The following CACNB4 variants were observed in gnomAD, a reference collection of about 807,000 sequenced individuals.
CACNB4 encodes the protein calcium voltage-gated channel auxiliary subunit beta 4.
Under a neutral mutation model 71.2 loss-of-function variants are expected in CACNB4, and 32 were observed. That is an observed-to-expected ratio of 0.45 (90% confidence interval 0.34 to 0.60). The LOEUF (loss-of-function observed/expected upper bound fraction) is 0.60. Among genes scored for constraint, CACNB4 ranks in the 20% least tolerant of loss-of-function variants. CACNB4 has a pLI of 0.01. For synonymous variants in CACNB4, 231 were observed against 236.9 expected (o/e 0.97, Z 0.23); for missense variants, 464 against 647.9 (o/e 0.72, Z 3.08).
intron 2 of CACNB4, among the ~76,000 whole-genome samples, chr2:152,069,837 CTTTT>C (rs70974819): frequency 6.1e-5 from 6 of 98,720 alleles, no homozygotes; most frequent in East Asian, 3.8e-4. Flanking sequence ...CTTCATCAAT[CTTTT>C]TTTTTTTTTT....
intron 2 of CACNB4, among the ~76,000 whole-genome samples, chr2:151,912,588 T>C (rs571842731): frequency 6.6e-6 from 1 of 152,248 alleles, no homozygotes; most frequent in East Asian, 1.9e-4. Flanking sequence ...CTTCCAATTA[T>C]GTGGTCAATT....
intron 2 of CACNB4, among the ~76,000 whole-genome samples, chr2:152,052,388 C>T (rs1187622542): frequency 6.6e-6 from 1 of 152,076 alleles, no homozygotes; most frequent in Non-Finnish European, 1.5e-5. Flanking sequence ...GTAACCTCCA[C>T]CTCCCGGGTT....
At chr2:151,944,186 AC>A (rs1236938133) in intron 2 of CACNB4, among the ~76,000 whole-genome samples, 1 of 151,844 alleles carries the variant, frequency 6.6e-6, no homozygotes, top group Non-Finnish European at 1.5e-5. Flanking sequence ...AGCACACGCC[AC>A]CACACCTGGC....
chr2:151,919,097 G>C (rs2099858271), intron 2 of CACNB4, among the ~76,000 whole-genome samples: 1 of 152,172 alleles, frequency 6.6e-6, no homozygotes, highest in Admixed American at 6.5e-5. Flanking sequence ...GCCTCAGGAG[G>C]GGTGTTTCAA....
rs187903559 is a variant in CACNB4 at position 152,087,621 on chromosome 2, C to G, written c.147+10709G>C. Among the ~76,000 whole-genome samples the G allele has an allele frequency of 1.4e-3, 216 of 152,132 alleles. 1 individual carries two copies. The highest frequency in any genetic ancestry group is 5.1e-3 in the African/African-American group (212 of 41,490). ...TCACGCCAGCATCTACACATTTAGACCAGGGGCTATAACTGAAACTTCTCG... is the reference window on the plus strand; with the variant it reads ...TCACGCCAGCATCTACACATTTAGAGCAGGGGCTATAACTGAAACTTCTCG... On this transcript the variant is annotated intron_variant, in intron 2 of 13. Transcript: ENST00000539935.
chr2:152,010,571 T>C (rs1331659753), intron 2 of CACNB4, among the ~76,000 whole-genome samples: 2 of 152,238 alleles, frequency 1.3e-5, no homozygotes, highest in Non-Finnish European at 2.9e-5. Flanking sequence ...CATTGCCTTA[T>C]TGTGTATAGC....
chr2:151,965,387 T>C (rs2151709682), intron 2 of CACNB4, among the ~76,000 whole-genome samples: 1 of 152,344 alleles, frequency 6.6e-6, no homozygotes, highest in Non-Finnish European at 1.5e-5. Flanking sequence ...CAATTATTCC[T>C]TTTAAAAGTA....
intron 2 of CACNB4, among the ~76,000 whole-genome samples, chr2:152,028,312 A>G (rs1684089457): frequency 6.6e-6 from 1 of 152,194 alleles, no homozygotes; most frequent in Non-Finnish European, 1.5e-5. Context: ...AATTTAAATT[A>G]CCTAAAATAT....
At chr2:151,850,728 A>T (rs1257974413) in intron 12 of CACNB4, 3 of 152,240 alleles carry the variant, frequency 2.0e-5, no homozygotes, top group Non-Finnish European at 2.9e-5. Context: ...TATTGGAGAT[A>T]TAAAATACAC....
chr2:151,876,344 T>C, intron 5 of CACNB4, 82 bp downstream of exon 5: 3 of 1,197,246 alleles, frequency 2.5e-6, no homozygotes, highest in Non-Finnish European at 3.5e-6. Context: ...AAAAGTATCT[T>C]CTACTTTGAA....
chr2:152,041,879 C>A (rs892861932), intron 2 of CACNB4, among the ~76,000 whole-genome samples: 1 of 152,242 alleles, frequency 6.6e-6, no homozygotes, highest in African/African-American at 2.4e-5. Context: ...TCCCCTGTTA[C>A]TTCCACCAGA....
chr2:152,046,035 C>A (rs1415228323), intron 2 of CACNB4, among the ~76,000 whole-genome samples: 1 of 151,938 alleles, frequency 6.6e-6, no homozygotes, highest in Non-Finnish European at 1.5e-5. Flanking sequence ...TTAATAACAA[C>A]CTCTATTATA....
chr2:151,999,860 A>G (rs1248928121), intron 2 of CACNB4, among the ~76,000 whole-genome samples: 3 of 152,170 alleles, frequency 2.0e-5, no homozygotes, highest in African/African-American at 7.2e-5. Context: ...CTAGGATTCT[A>G]TTCCCAAATT....
chr2:152,032,299 G>A (rs1684330796), intron 2 of CACNB4, among the ~76,000 whole-genome samples: 1 of 152,186 alleles, frequency 6.6e-6, no homozygotes, highest in Admixed American at 6.5e-5. Context: ...CACACAGCCA[G>A]GAAGGGGCAA....
In CACNB4 at chr2:151,836,694, A is replaced by G. The variant is rs1351730798; in HGVS notation, c.*2425T>C. The G allele has an allele frequency of 1.3e-5, 2 of 151,988 alleles. No individual in the cohort carries two copies. The highest frequency in any genetic ancestry group is 2.9e-5 in the Non-Finnish European group (2 of 67,850). 9.4% of individuals were successfully genotyped at this position (151,988 alleles called of 1,614,324 possible). ...ATTGAATGAGACTCTCTTTATCGGC[A>G]TGACATGGAAGACTAAAAACAAGGC... is the stretch of plus-strand genomic sequence containing the variant. On this transcript the variant is annotated 3_prime_UTR_variant, in exon 14 of 14. Coordinates refer to ENST00000539935, the MANE Select transcript of CACNB4 (RefSeq NM_000726.5).
At chr2:151,966,300 A>G (rs1330308879) in intron 2 of CACNB4, among the ~76,000 whole-genome samples, 1 of 151,970 alleles carries the variant, frequency 6.6e-6, no homozygotes, top group African/African-American at 2.4e-5. Flanking sequence ...ATTTTTTAAG[A>G]TGGAGTTTTG....
intron 2 of CACNB4, among the ~76,000 whole-genome samples, chr2:151,947,687 G>C (rs954573670): frequency 2.0e-5 from 3 of 152,104 alleles, no homozygotes; most frequent in Admixed American, 6.5e-5. Context: ...TGGCAGCAAG[G>C]CTTCTATTTG....
At chr2:151,843,065 G>A (rs551711613) in intron 12 of CACNB4, among the ~76,000 whole-genome samples, 27 of 152,300 alleles carry the variant, frequency 1.8e-4, no homozygotes, top group African/African-American at 6.3e-4. Flanking sequence ...AGGGAAAGCA[G>A]GGGGTCACAA....
At chr2:152,093,400 G>GGTGTGTGTGT (rs34845177) in intron 2 of CACNB4, among the ~76,000 whole-genome samples, 13,071 of 146,548 alleles carry the variant, frequency 0.089, 1,091 homozygotes, top group East Asian at 0.46. Context: ...GCTGTTTTTT[G>GGTGTGTGTGT]GTGTGTGTGT....
Sources: allele counts gnomAD v4.1 joint callset (sites outside exome capture counted in the v4.1 genomes callset), GRCh38; gene constraint gnomAD v4.1.1; transcripts MANE v1.5; gene names NCBI Gene and HGNC (gene_info 2026-07-23, HGNC 2026-07-21).